The following CIAPIN1 variants were observed in gnomAD, a reference collection of about 807,000 sequenced individuals.
CIAPIN1 encodes cytokine induced apoptosis inhibitor 1.
In CIAPIN1, 18 loss-of-function variants were observed where a neutral mutation model predicts 34.3. That is an observed-to-expected ratio of 0.52 (90% CI 0.36 to 0.78). The LOEUF (loss-of-function observed/expected upper bound fraction) is 0.78. Among genes scored for constraint, CIAPIN1 ranks in the 30% least tolerant of loss-of-function variants. The pLI is 0.00. For synonymous variants in CIAPIN1, 131 were observed against 140.4 expected, an observed-to-expected ratio of 0.93 and a Z score of 0.47; for missense variants, 310 against 372.5, an observed-to-expected ratio of 0.83 and a Z score of 1.38.
intron 1 of CIAPIN1, 49 bp from the exon 2 acceptor site, chr16:57,441,032 G>T (rs1325943784): frequency 1.1e-5 from 14 of 1,268,042 alleles, no homozygotes; most frequent in South Asian, 4.2e-5. Context: ...CATAAAATAT[G>T]ATTAGAATCC....
Position 57,447,322 on chromosome 16 carries a change from C to G in CIAPIN1, c.-56+20G>C. ...CAGTTGAGGGAGCTCTGGCGCTCAG[C>G]TGGCCCCCACCACTCTCACCTGCCG... On this transcript the variant is annotated intron_variant, in intron 1 of 8. Transcript: ENST00000394391. The G allele has an allele frequency of 2.3e-6, 1 of 439,684 alleles. No individual in the cohort carries two copies. Among genetic ancestry groups the G allele is most frequent in the African/African-American group, 2.0e-5 (1 of 49,438 alleles). 27.2% of individuals were successfully genotyped at this position (439,684 alleles called of 1,614,324 possible). A position where few individuals can be genotyped will look rare whatever the true frequency, so the allele number is the denominator to read the frequency against.
chr16:57,428,899 C>T lies in CIAPIN1; in HGVS notation c.*271G>A. 2.8e-6 allele frequency: 1 copy of T among 359,562 alleles called. No individual in the cohort carries two copies. 22.3% of individuals were successfully genotyped at this position (359,562 alleles called of 1,614,324 possible). A position where few individuals can be genotyped will look rare whatever the true frequency, so the allele number is the denominator to read the frequency against. ...CAGCATTTTAACATCAGAAGAAGGG[C>T]TTCTTCAGGACACACTCCCTTCTCT... On this transcript the variant is annotated 3_prime_UTR_variant, in exon 9 of 9. Transcript: ENST00000394391.
intron 3 of CIAPIN1, among the ~76,000 whole-genome samples, chr16:57,437,305 T>A (rs1465080255): frequency 2.0e-5 from 3 of 152,146 alleles, no homozygotes; most frequent in Non-Finnish European, 4.4e-5. Flanking sequence ...AAGCACTTTA[T>A]TATAAACAGG....
chr16:57,438,307 T>C (rs912342239), intron 3 of CIAPIN1, among the ~76,000 whole-genome samples: 1 of 152,236 alleles, frequency 6.6e-6, no homozygotes, highest in Non-Finnish European at 1.5e-5. Flanking sequence ...TTTTACTTCA[T>C]GAACACTGTC....
rs1391112590 is a variant in CIAPIN1 at position 57,428,839 on chromosome 16, T to C, written c.*331A>G. 2 of 223,490 alleles carry C rather than the reference T, an allele frequency of 8.9e-6. No homozygotes were observed. Among genetic ancestry groups the C allele is most frequent in the East Asian group, 2.3e-4 (2 of 8,556 alleles). 13.8% of individuals were successfully genotyped at this position (223,490 alleles called of 1,614,324 possible). A position where few individuals can be genotyped will look rare whatever the true frequency, so the allele number is the denominator to read the frequency against. On this transcript the variant is annotated 3_prime_UTR_variant, in exon 9 of 9. Transcript: ENST00000394391. Reference sequence around the variant, plus strand: ...CTGCAGCTCTGTCACAGAGTGTTAATGCTCAACGATGCCTGGGCTCAAGAG... The same window carrying C: ...CTGCAGCTCTGTCACAGAGTGTTAACGCTCAACGATGCCTGGGCTCAAGAG...
chr16:57,445,839 T>G (rs868351782), intron 1 of CIAPIN1, among the ~76,000 whole-genome samples: 4 of 50,500 alleles, frequency 7.9e-5, no homozygotes, highest in Admixed American at 1.9e-4. Context: ...TAGAGGTTTT[T>G]TTTTTTTTTT....
intron 1 of CIAPIN1, among the ~76,000 whole-genome samples, chr16:57,445,746 G>C (rs566606838): frequency 6.7e-6 from 1 of 149,666 alleles, no homozygotes; most frequent in Non-Finnish European, 1.5e-5. Flanking sequence ...CTATGTGCCT[G>C]TCCCTACACG....
In CIAPIN1 at chr16:57,434,117, G is replaced by T; in HGVS notation, c.483C>A (p.Gly161=). ...AACCCACTTCAAAGTTTGGTTTTTTGCCTGTGATCTGAACAAACAGCAGGT... is the reference window on the plus strand; with the variant it reads ...AACCCACTTCAAAGTTTGGTTTTTTTCCTGTGATCTGAACAAACAGCAGGT... ...SDNLLFVQIT[G]KKPNFEVGSS... Residue 161 remains glycine (G), a synonymous_variant, in exon 5 of 9, where the codon GGC becomes GGA. Coordinates refer to ENST00000394391, the MANE Select transcript of CIAPIN1 (RefSeq NM_020313.4). The T allele has an allele frequency of 1.2e-6, 2 of 1,614,072 alleles. No homozygotes were observed. The highest frequency in any genetic ancestry group is 1.7e-6 in the Non-Finnish European group (2 of 1,179,978).
At chr16:57,432,585 A>C (rs759900252) in intron 5 of CIAPIN1, 25 bp from the exon 6 acceptor site, 1 of 1,594,380 alleles carries the variant, frequency 6.3e-7, no homozygotes, top group Non-Finnish European at 8.6e-7. Context: ...TAAAAGAAAA[A>C]ACTCCATAAA....
In CIAPIN1 at chr16:57,440,782, C is replaced by T. The variant is rs372489516; in HGVS notation, c.147G>A (p.Gln49=). 2 of 1,612,270 alleles carry T rather than the reference C, an allele frequency of 1.2e-6. No homozygotes were observed. The highest frequency in any genetic ancestry group is 2.2e-5 in the East Asian group (1 of 44,842). ...TGGGTGGGTACTTACATTGCAACAGCTGCTTGATGTTTTCCACAGACACGC... is the reference window on the plus strand; with the variant it reads ...TGGGTGGGTACTTACATTGCAACAGTTGCTTGATGTTTTCCACAGACACGC... ...EGRVSVENIK[Q]LLQSAHKESS... Residue 49 remains glutamine, a synonymous_variant, in exon 2 of 9, where the codon CAG becomes CAA. Coordinates refer to ENST00000394391, the MANE Select transcript of CIAPIN1 (RefSeq NM_020313.4).
At chr16:57,437,778 A>G (rs1403666135) in intron 3 of CIAPIN1, among the ~76,000 whole-genome samples, 1 of 152,114 alleles carries the variant, frequency 6.6e-6, no homozygotes, top group African/African-American at 2.4e-5. Flanking sequence ...TGCCTGCCCC[A>G]GCCTCTCAAA....
chr16:57,429,640 C>T (rs949154180), intron 8 of CIAPIN1, among the ~76,000 whole-genome samples: 11 of 151,746 alleles, frequency 7.2e-5, no homozygotes, highest in East Asian at 3.9e-4. Context: ...TACAGGCGCC[C>T]GCTACCATGC....
intron 2 of CIAPIN1, among the ~76,000 whole-genome samples, chr16:57,439,925 G>A (rs1598027609): frequency 6.6e-6 from 1 of 152,194 alleles, no homozygotes; most frequent in African/African-American, 2.4e-5. Flanking sequence ...AAAAAGAACA[G>A]GATAACAGCG....
At position 57,428,820 on chromosome 16, in the gene CIAPIN1, C is replaced by G. The variant is rs1162100671; in HGVS notation, c.*350G>C. On this transcript the variant is annotated 3_prime_UTR_variant, in exon 9 of 9. Transcript: ENST00000394391. ...TGAGACTCAAGGCAGGGGTCTGCAG[C>G]TCTGTCACAGAGTGTTAATGCTCAA... The G allele has an allele frequency of 1.1e-5, 2 of 177,808 alleles. No homozygotes were observed. The highest frequency in any genetic ancestry group is 4.7e-5 in the African/African-American group (2 of 42,294). 11.0% of individuals were successfully genotyped at this position (177,808 alleles called of 1,614,324 possible).
rs1217856201 is a variant in CIAPIN1, at chr16:57,447,352, G to A, written c.-66C>T. 3.0e-6 allele frequency: 2 copies of A among 657,620 alleles called. No individual in the cohort carries two copies. Among genetic ancestry groups the A allele is most frequent in the Non-Finnish European group, 4.3e-6 (2 of 463,798 alleles). 40.7% of individuals were successfully genotyped at this position (657,620 alleles called of 1,614,324 possible). Reference sequence around the variant, plus strand: ...CCCCACCACTCTCACCTGCCGCCTGGGCTCGCTCCCGGCTTCTCTCCAGCC... The same window carrying A: ...CCCCACCACTCTCACCTGCCGCCTGAGCTCGCTCCCGGCTTCTCTCCAGCC... On this transcript the variant is annotated 5_prime_UTR_variant, in exon 1 of 9. Transcript: ENST00000394391.
rs143477362 is a variant in CIAPIN1 at position 57,430,427 on chromosome 16, T to G, written c.747-88A>C. On this transcript the variant is annotated intron_variant, in intron 7 of 8. Coordinates refer to ENST00000394391, the MANE Select transcript of CIAPIN1 (RefSeq NM_020313.4). ...CAGTGCCAAAATGTGCTTTAAGCCT[T>G]TTCTCTTCACACCAGTGTCATAACT... The G allele has an allele frequency of 5.4e-4, 679 of 1,246,466 alleles. 2 individuals carry two copies. Among genetic ancestry groups the G allele is most frequent in the Admixed American group, 2.5e-3 (143 of 56,954 alleles). The allele number at this position is 1,246,466 out of a possible 1,614,324, so 77.2% of individuals were successfully genotyped here.
chr16:57,447,385 C>T lies in CIAPIN1; in HGVS notation c.-99G>A, dbSNP rs182519491. ...CCCGGCTTCTCTCCAGCCGTCGACT[C>T]CACGCCTTGCGCCTCTCGCGAGAGG... On this transcript the variant is annotated 5_prime_UTR_variant, in exon 1 of 9. Coordinates refer to ENST00000394391, the MANE Select transcript of CIAPIN1 (RefSeq NM_020313.4). 836 of 981,304 alleles carry T rather than the reference C, an allele frequency of 8.5e-4. 5 individuals are homozygous for T. In the African/African-American group the frequency reaches 9.5e-3, roughly 11 times the overall value. 60.8% of individuals were successfully genotyped at this position (981,304 alleles called of 1,614,324 possible). A position where few individuals can be genotyped will look rare whatever the true frequency, so the allele number is the denominator to read the frequency against.
chr16:57,435,240 C>T (rs1903173006), intron 4 of CIAPIN1, among the ~76,000 whole-genome samples: 1 of 152,184 alleles, frequency 6.6e-6, no homozygotes, highest in Admixed American at 6.5e-5. Context: ...GATGTGCCTG[C>T]TCCTGCTTCA....
At position 57,432,572 on chromosome 16, in the gene CIAPIN1, CA is replaced by C. The variant is rs1903112470; in HGVS notation, c.557-13del. Reference sequence around the variant, plus strand: ...CACAGCAGGTTTCACTGAGTCCAAGCAATAAAAGAAAAAACTCCATAAACAC... The same window carrying C: ...CACAGCAGGTTTCACTGAGTCCAAGCATAAAAGAAAAAACTCCATAAACAC... On this transcript the variant is annotated splice_polypyrimidine_tract_variant and intron_variant, in intron 5 of 8. Transcript: ENST00000394391. 1 of 1,608,140 alleles carries C rather than the reference CA, an allele frequency of 6.2e-7. No homozygotes were observed. The highest frequency in any genetic ancestry group is 8.5e-7 in the Non-Finnish European group (1 of 1,178,006).
Sources: gnomAD v4.1 joint callset for allele counts (sites outside exome capture counted in the v4.1 genomes callset) on GRCh38, gnomAD v4.1.1 for gene constraint, MANE v1.5 for transcripts, NCBI Gene and HGNC (gene_info 2026-07-23, HGNC 2026-07-21) for gene names.